The following NDUFA10 variants were observed in gnomAD, a reference collection of about 807,000 sequenced individuals.
NDUFA10 encodes NADH:ubiquinone oxidoreductase subunit A10.
NDUFA10 carries 40 observed loss-of-function variants against 47.8 expected under a neutral mutation model. The observed-to-expected ratio is 0.84, with a 90% CI of 0.65 to 1.09. NDUFA10 has a LOEUF of 1.09. Among genes scored for constraint, NDUFA10 ranks in the 50% least tolerant of loss-of-function variants. The pLI is 0.00. For synonymous variants in NDUFA10, 183 were observed against 172.2 expected (o/e 1.06, Z -0.49); for missense variants, 413 against 451.1 (o/e 0.92, Z 0.76).
Position 239,945,920 on chromosome 2 carries a change from C to T in NDUFA10, c.294+44154G>A, listed in dbSNP as rs1158057462. Among the ~76,000 whole-genome samples the T allele has an allele frequency of 2.0e-5, 3 of 152,140 alleles. No individual in the cohort carries two copies. Among genetic ancestry groups the T allele is most frequent in the Non-Finnish European group, 2.9e-5 (2 of 68,028 alleles). On this transcript the variant is annotated intron_variant, in intron 4 of 5. Coordinates refer to the NDUFA10 transcript ENST00000419408. The surrounding 1 kb of genome is among the most constrained non-coding windows in gnomAD (Gnocchi z 4.6). Reference sequence around the variant, plus strand: ...TGGAGCAGGAGGGTGGAAGACACTGCGCTGAGAATGGGATCCGCTTGCGGA... The same window carrying T: ...TGGAGCAGGAGGGTGGAAGACACTGTGCTGAGAATGGGATCCGCTTGCGGA...
chr2:239,959,335 C>G lies in NDUFA10; in HGVS notation c.*1783G>C, dbSNP rs575499828. On this transcript the variant is annotated 3_prime_UTR_variant, in exon 10 of 10. Transcript: ENST00000252711. ...CCCTCTCACTGCTGAGGACACTACC[C>G]GTGCAACCACCAAGGTTGAAGGAAA... The G allele has an allele frequency of 1.4e-5, 14 of 985,326 alleles. No homozygotes were observed. The Admixed American group carries it at 8.6e-4, about 61-fold the overall frequency. 61.0% of individuals were successfully genotyped at this position (985,326 alleles called of 1,614,324 possible).
intron 1 of NDUFA10, 115 bp from the exon 2 acceptor site, chr2:240,022,455 C>A: frequency 1.4e-6 from 2 of 1,448,182 alleles, no homozygotes; most frequent in Non-Finnish European, 1.9e-6. Context: ...ATGCCAACAT[C>A]TACATCTTTA....
intron 6 of NDUFA10, among the ~76,000 whole-genome samples, chr2:240,009,820 C>A (rs1697074002): frequency 6.6e-6 from 1 of 152,152 alleles, no homozygotes; most frequent in South Asian, 2.1e-4. Context: ...ACAATATTGT[C>A]TTCTAAGGTC....
chr2:240,000,914 G>A (rs929312079), intron 8 of NDUFA10, among the ~76,000 whole-genome samples: 14 of 152,344 alleles, frequency 9.2e-5, no homozygotes, highest in Admixed American at 1.3e-4. Context: ...ATGTTTTCAC[G>A]ATGATGAAAT....
chr2:239,940,892 T>C (rs1265835656), intron 4 of NDUFA10, among the ~76,000 whole-genome samples: 4 of 152,214 alleles, frequency 2.6e-5, no homozygotes, highest in Admixed American at 2.6e-4. Flanking sequence ...AGTTATAAGA[T>C]AGTTCTAAAT....
intron 4 of NDUFA10, among the ~76,000 whole-genome samples, chr2:239,915,386 T>G (rs1693844145): frequency 2.4e-5 from 2 of 84,684 alleles, no homozygotes; most frequent in Non-Finnish European, 2.3e-5. Flanking sequence ...GAGACAGAGA[T>G]ACACATACAT....
rs1696028853 is a variant in NDUFA10 at position 239,987,004 on chromosome 2, G to C, written c.999+3070C>G. Among the ~76,000 whole-genome samples the C allele has an allele frequency of 6.6e-6, 1 of 152,164 alleles. No homozygotes were observed. Among genetic ancestry groups the C allele is most frequent in the Admixed American group, 6.5e-5 (1 of 15,282 alleles). On this transcript the variant is annotated intron_variant, in intron 9 of 9. Transcript: ENST00000252711. The surrounding 1 kb of genome is among the most constrained non-coding windows in gnomAD (Gnocchi z 4.8). ...TAGTCTTCAAAAATGTCAAGGTCTT[G>C]AATGCCAAGAAAAGCCTGAGGAACT...
Position 240,019,300 on chromosome 2 carries a change from G to T in NDUFA10, c.461-661C>A, listed in dbSNP as rs928050926. 2.6e-5 allele frequency among the ~76,000 whole-genome samples: 4 copies of T among 152,188 alleles called. No individual in the cohort carries two copies. The East Asian group carries it at 7.7e-4, about 29-fold the overall frequency. ...TGTGGCGCCCTTAGCTCCCAGAATGGGTCTGGCACACAGCAGACATGCACT... is the reference window on the plus strand; with the variant it reads ...TGTGGCGCCCTTAGCTCCCAGAATGTGTCTGGCACACAGCAGACATGCACT... On this transcript the variant is annotated intron_variant, in intron 3 of 9. Transcript: ENST00000252711.
At chr2:240,009,090 A>T (rs924586770) in intron 6 of NDUFA10, among the ~76,000 whole-genome samples, 9 of 152,240 alleles carry the variant, frequency 5.9e-5, no homozygotes, top group African/African-American at 2.2e-4. Flanking sequence ...GAGGAGAGCC[A>T]CAAGCTGTAT....
intron 9 of NDUFA10, among the ~76,000 whole-genome samples, chr2:239,981,864 A>C (rs1032153164): frequency 3.3e-5 from 5 of 152,126 alleles, no homozygotes; most frequent in African/African-American, 1.2e-4. Context: ...TTCTCATGTT[A>C]ATGGCAGAAT....
intron 5 of NDUFA10, among the ~76,000 whole-genome samples, chr2:239,895,044 C>T (rs529955720): frequency 4.6e-4 from 70 of 152,304 alleles, no homozygotes; most frequent in African/African-American, 1.6e-3. Context: ...TCTCCTTCAC[C>T]CCCACATCTA....
exon 5 of NDUFA10, chr2:239,895,237 C>T: frequency 2.1e-6 from 1 of 468,850 alleles, no homozygotes; most frequent in South Asian, 1.6e-5. Flanking sequence ...CTTCTCCACA[C>T]ACAGACCATT....
intron 7 of NDUFA10, among the ~76,000 whole-genome samples, chr2:240,006,023 C>T (rs987966533): frequency 5.9e-5 from 9 of 152,192 alleles, no homozygotes; most frequent in African/African-American, 2.2e-4. Context: ...AGGTGCCCGG[C>T]CTCAAGGCTG....
intron 4 of NDUFA10, among the ~76,000 whole-genome samples, chr2:239,930,634 G>A (rs1574786054): frequency 2.0e-5 from 3 of 152,266 alleles, no homozygotes; most frequent in Admixed American, 2.0e-4. Context: ...CACCAGGAAG[G>A]AAAGGTACAC....
Position 240,014,860 on chromosome 2 carries a change from C to T in NDUFA10, c.548G>A (p.Cys183Tyr). The T allele has an allele frequency of 1.2e-6, 2 of 1,614,236 alleles. No individual in the cohort carries two copies. Among genetic ancestry groups the T allele is most frequent in the South Asian group, 2.2e-5 (2 of 91,086 alleles). ...MYNQGFIRKQ[C>Y]VDHYNEVKSV... ...CTTCACCTCGTTGTAGTGGTCCACA[C>T]CTGGCACATAGGAGAAAGGGGCGCT... Residue 183 changes from cysteine (C) to tyrosine (Y), a missense_variant and splice_region_variant, in exon 5 of 10, where the codon TGT becomes TAT. By Grantham distance (194) the Cys-to-Tyr change is radical (BLOSUM62 -2). Transcript: ENST00000252711.
chr2:239,914,547 T>C (rs1249319063), intron 4 of NDUFA10, among the ~76,000 whole-genome samples: 1 of 120,378 alleles, frequency 8.3e-6, no homozygotes, highest in Non-Finnish European at 1.7e-5. Context: ...GACACACAAA[T>C]ATACAGACAC....
rs1283223218 is a variant in NDUFA10 at position 240,005,791 on chromosome 2, C to T, written c.805-496G>A. Among the ~76,000 whole-genome samples, 3 of 152,152 alleles carry T rather than the reference C, an allele frequency of 2.0e-5. No individual in the cohort carries two copies. In the East Asian group the frequency reaches 5.8e-4, roughly 29 times the overall value. On this transcript the variant is annotated intron_variant, in intron 7 of 9. Coordinates refer to ENST00000252711, the MANE Select transcript of NDUFA10 (RefSeq NM_004544.4). ...GTTGAGTGTTGCATCACAGTATGGCCTTGCCTAGCTAACACTCAGGGATCA... is the reference window on the plus strand; with the variant it reads ...GTTGAGTGTTGCATCACAGTATGGCTTTGCCTAGCTAACACTCAGGGATCA...
chr2:239,915,104 TAC>T lies in NDUFA10; in HGVS notation c.295-19792_295-19791del, dbSNP rs879260835. Among the ~76,000 whole-genome samples the T allele has an allele frequency of 2.2e-4, 21 of 95,966 alleles. 4 individuals are homozygous for T. The highest frequency in any genetic ancestry group is 7.1e-4 in the African/African-American group (16 of 22,678). The allele number at this position is 95,966 out of a possible 152,430, so 63.0% of individuals were successfully genotyped here. Reference sequence around the variant, plus strand: ...ACACAGAGACAGAGATACACAAACATACACACACACAGAACACACACATACAC... The same window carrying T: ...ACACAGAGACAGAGATACACAAACATACACACACAGAACACACACATACAC... On this transcript the variant is annotated intron_variant, in intron 4 of 5. Transcript: ENST00000419408.
intron 4 of NDUFA10, among the ~76,000 whole-genome samples, chr2:239,929,033 A>C (rs2106371770): frequency 6.6e-6 from 1 of 152,324 alleles, no homozygotes. Flanking sequence ...GAAGACAAGA[A>C]CCAAAGCAGG....
Sources: gnomAD v4.1 joint callset for allele counts (sites outside exome capture counted in the v4.1 genomes callset) on GRCh38, gnomAD v4.1.1 for gene constraint, Gnocchi (gnomAD v3.1) non-coding constraint, MANE v1.5 for transcripts, NCBI Gene and HGNC (gene_info 2026-07-23, HGNC 2026-07-21) for gene names.